Variants in GRIP1 observed in about 807,000 individuals in gnomAD.
GRIP1 encodes the protein glutamate receptor interacting protein 1, also known as glutamate receptor-interacting protein 1.
Under a neutral mutation model 129.9 loss-of-function variants are expected in GRIP1, and 45 were observed. The ratio of observed to expected loss-of-function variants is 0.35; its 90% CI spans 0.27 to 0.44. GRIP1 has a LOEUF of 0.44. Ranked by LOEUF, GRIP1 falls within the 20% of genes least tolerant of loss-of-function variation. The probability of loss-of-function intolerance (pLI) is 1.00; values close to 1 mark genes in which losing one functional copy is unlikely to be tolerated. For missense variants in GRIP1, 1,196 were observed against 1,396.8 expected, an observed-to-expected ratio of 0.86 and a Z score of 2.29; for synonymous variants, 530 against 520.8, an observed-to-expected ratio of 1.02 and a Z score of -0.24.
rs74098335 is a variant in GRIP1 at position 66,469,247 on chromosome 12, C to T, written c.725-3825G>A. 7.5e-3 allele frequency among the ~76,000 whole-genome samples: 1,147 copies of T among 152,208 alleles called. 13 individuals carry two copies. Among genetic ancestry groups the T allele is most frequent in the African/African-American group, 0.026 (1,064 of 41,534 alleles). ...AAATGAAGAGATTTGAATAAAATTT[C>T]CCTAGTCATTACAATCTGTGAATCT... On this transcript the variant is annotated intron_variant, in intron 7 of 24. Coordinates refer to ENST00000359742, the MANE Select transcript of GRIP1 (RefSeq NM_001366722.1).
intron 11 of GRIP1, among the ~76,000 whole-genome samples, chr12:66,446,094 G>GCCCCCCCCCC (rs1555185775): frequency 3.6e-5 from 5 of 140,398 alleles, no homozygotes; most frequent in Non-Finnish European, 6.1e-5. Flanking sequence ...CATTCCTCCT[G>GCCCCCCCCCC]CCGCCCCCCA....
chr12:67,026,397 T>C (rs999959735), intron 1 of GRIP1, among the ~76,000 whole-genome samples: 6 of 152,212 alleles, frequency 3.9e-5, no homozygotes, highest in Non-Finnish European at 1.5e-5. Context: ...TTGACTTCCA[T>C]AGTGTCCCAT....
intron 1 of GRIP1, among the ~76,000 whole-genome samples, chr12:66,734,017 GA>G (rs768424189): frequency 6.6e-6 from 1 of 152,076 alleles, no homozygotes; most frequent in Non-Finnish European, 1.5e-5. Context: ...CTGCAACTAG[GA>G]GAGGCAAAAA....
At chr12:66,773,478 G>A (rs976234884) in intron 1 of GRIP1, among the ~76,000 whole-genome samples, 3 of 152,142 alleles carry the variant, frequency 2.0e-5, no homozygotes, top group Non-Finnish European at 4.4e-5. Flanking sequence ...AACACCGCAT[G>A]TTCTTGCTCA....
At chr12:66,961,647 G>T (rs2041922762) in intron 1 of GRIP1, among the ~76,000 whole-genome samples, 1 of 151,860 alleles carries the variant, frequency 6.6e-6, no homozygotes, top group Non-Finnish European at 1.5e-5. Context: ...CTTTCTCTTG[G>T]GAATACCCTT....
intron 1 of GRIP1, among the ~76,000 whole-genome samples, chr12:66,850,824 T>C (rs1225293863): frequency 6.6e-6 from 1 of 151,804 alleles, no homozygotes; most frequent in East Asian, 1.9e-4. Flanking sequence ...ACTGATAGAT[T>C]AGTTTGTTCT....
At chr12:66,363,229 A>ATAT (rs1592693881) in intron 23 of GRIP1, among the ~76,000 whole-genome samples, 2 of 129,690 alleles carry the variant, frequency 1.5e-5, no homozygotes, top group African/African-American at 5.7e-5. Context: ...ATATATATAT[A>ATAT]AAGTTTCTGT....
chr12:66,971,268 GGA>G (rs2042072674), intron 1 of GRIP1, among the ~76,000 whole-genome samples: 1 of 152,050 alleles, frequency 6.6e-6, no homozygotes, highest in Non-Finnish European at 1.5e-5. Flanking sequence ...GACAGTTCCA[GGA>G]AAACTTACCA....
intron 6 of GRIP1, among the ~76,000 whole-genome samples, chr12:66,516,879 A>T (rs2060860048): frequency 6.6e-6 from 1 of 152,202 alleles, no homozygotes; most frequent in African/African-American, 2.4e-5. Flanking sequence ...AAAGGAAAAG[A>T]AGCCTGAATT....
chr12:66,564,637 T>G (rs1018198961), intron 2 of GRIP1, among the ~76,000 whole-genome samples: 12 of 152,190 alleles, frequency 7.9e-5, no homozygotes, highest in Admixed American at 2.6e-4. Flanking sequence ...TTTGGGTATA[T>G]ACCCAGTAAT....
chr12:66,791,212 G>C (rs759961327), intron 1 of GRIP1, among the ~76,000 whole-genome samples: 3 of 152,176 alleles, frequency 2.0e-5, no homozygotes, highest in Non-Finnish European at 4.4e-5. Flanking sequence ...CTGCATAGTG[G>C]AAGTTTTTGT....
chr12:67,033,271 GTATA>G (rs3051221), intron 1 of GRIP1, among the ~76,000 whole-genome samples: 60 of 142,922 alleles, frequency 4.2e-4, no homozygotes, highest in African/African-American at 5.3e-4. Context: ...AAGACTACAT[GTATA>G]TATATATATA....
chr12:66,797,332 GC>G, intron 1 of GRIP1, among the ~76,000 whole-genome samples: 1 of 152,234 alleles, frequency 6.6e-6, no homozygotes, highest in Non-Finnish European at 1.5e-5. Context: ...TTGCCCACTA[GC>G]TATCCCCTTC....
rs552578656 is a variant in GRIP1 at position 66,944,185 on chromosome 12, T to C, written c.58+124865A>G. On this transcript the variant is annotated intron_variant, in intron 1 of 1. Coordinates refer to the GRIP1 transcript ENST00000643019. ...AACAGTACTCATTTTAGCTGGGGCA[T>C]CTCATTTACCCTTCAGGCTTTTGAT... Among the ~76,000 whole-genome samples the C allele has an allele frequency of 2.6e-5, 4 of 152,240 alleles. No individual in the cohort carries two copies. The East Asian group carries it at 7.7e-4, about 29-fold the overall frequency.
intron 1 of GRIP1, among the ~76,000 whole-genome samples, chr12:66,877,066 T>C (rs78959928): frequency 0.03 from 4,488 of 152,094 alleles, 128 homozygotes; most frequent in African/African-American, 0.071. Flanking sequence ...CTTGCTTCAT[T>C]TGGAACTTTA....
rs1164881769 is a variant in GRIP1 at position 66,402,701 on chromosome 12, T to C, written c.1984+3582A>G. ...CCCACATTAGTATGAGCAATATTTC[T>C]GGGGGTGGAGAATATACGCTGAATA... On this transcript the variant is annotated intron_variant, in intron 16 of 24. Coordinates refer to ENST00000359742, the MANE Select transcript of GRIP1 (RefSeq NM_001366722.1). Among the ~76,000 whole-genome samples the C allele has an allele frequency of 7.9e-5, 12 of 152,296 alleles. No individual in the cohort carries two copies. The East Asian group carries it at 1.9e-3, about 24-fold the overall frequency.
At chr12:66,479,276 G>C (rs942824705) in intron 7 of GRIP1, among the ~76,000 whole-genome samples, 1 of 152,016 alleles carries the variant, frequency 6.6e-6, no homozygotes, top group Non-Finnish European at 1.5e-5. Context: ...TACCATCAGA[G>C]AATACTATAA....
At chr12:66,519,757 G>A (rs1242659952) in intron 5 of GRIP1, among the ~76,000 whole-genome samples, 1 of 152,172 alleles carries the variant, frequency 6.6e-6, no homozygotes, top group African/African-American at 2.4e-5. Flanking sequence ...ATCAATGCCA[G>A]GGCCACAGTG....
chr12:66,453,223 T>A (rs560712749), intron 11 of GRIP1, among the ~76,000 whole-genome samples: 2 of 152,344 alleles, frequency 1.3e-5, no homozygotes, highest in South Asian at 4.1e-4. Flanking sequence ...TAGCCAAACA[T>A]CATTTGTTTG....
Sources: gnomAD v4.1 joint callset for allele counts (sites outside exome capture counted in the v4.1 genomes callset) on GRCh38, gnomAD v4.1.1 for gene constraint, MANE v1.5 for transcripts, NCBI Gene and HGNC (gene_info 2026-07-23, HGNC 2026-07-21) for gene names.